Variants in IFT80 observed in about 807,000 individuals in gnomAD.
The protein encoded by IFT80 is intraflagellar transport protein 80 homolog.
Under a neutral mutation model 107.9 loss-of-function variants are expected in IFT80, and 79 were observed. The ratio of observed to expected loss-of-function variants is 0.73; its 90% CI spans 0.61 to 0.88. The LOEUF is 0.88. IFT80 is among the 40% of genes least tolerant of loss of function. The pLI is 0.00. For missense variants in IFT80, 797 were observed against 914.2 expected (o/e 0.87, Z 1.65); for synonymous variants, 299 against 300.9 (o/e 0.99, Z 0.07).
At chr3:160,282,281 A>G (rs775413141) in intron 14 of IFT80, among the ~76,000 whole-genome samples, 197 bp downstream of exon 14, 1 of 152,212 alleles carries the variant, frequency 6.6e-6, no homozygotes, top group Non-Finnish European at 1.5e-5. Flanking sequence ...CCCTGTCTCA[A>G]TAAAACACAA....
At chr3:160,299,337 G>C in intron 12 of IFT80, 3 of 585,212 alleles carry the variant, frequency 5.1e-6, no homozygotes, top group South Asian at 3.7e-5. Flanking sequence ...TATAAGAGGT[G>C]CTATTATCTG....
At chr3:160,319,395 C>G (rs943773798) in intron 9 of IFT80, among the ~76,000 whole-genome samples, 1 of 151,862 alleles carries the variant, frequency 6.6e-6, no homozygotes, top group African/African-American at 2.4e-5. Context: ...AACAATTAAC[C>G]CTGTCAGTAA....
intron 5 of IFT80, among the ~76,000 whole-genome samples, chr3:160,366,773 A>C (rs1301355639): frequency 6.6e-6 from 1 of 152,086 alleles, no homozygotes; most frequent in Non-Finnish European, 1.5e-5. Context: ...CATCATGGAA[A>C]ATGGGGTATC....
At chr3:160,299,902 T>C (rs897369814) in intron 12 of IFT80, among the ~76,000 whole-genome samples, 43 of 152,142 alleles carry the variant, frequency 2.8e-4, no homozygotes, top group African/African-American at 8.7e-4. Flanking sequence ...TACGATAACA[T>C]GCTTGCCTTC....
intron 12 of IFT80, among the ~76,000 whole-genome samples, chr3:160,298,713 G>A (rs761363034): frequency 2.0e-5 from 3 of 152,150 alleles, no homozygotes; most frequent in Non-Finnish European, 2.9e-5. Flanking sequence ...GGACATCATG[G>A]AGGGTACTTA....
intron 1 of IFT80, among the ~76,000 whole-genome samples, chr3:160,384,941 A>G (rs2108409682): frequency 6.6e-6 from 1 of 152,344 alleles, no homozygotes; most frequent in Middle Eastern, 3.4e-3. Context: ...GAGGCCAAAT[A>G]AAAAGATTCC....
chr3:160,388,671 G>A (rs1263828621), intron 1 of IFT80, among the ~76,000 whole-genome samples: 2 of 150,800 alleles, frequency 1.3e-5, no homozygotes, highest in Non-Finnish European at 3.0e-5. Context: ...AAAACGTTAG[G>A]TAGCTAAAAA....
intron 8 of IFT80, among the ~76,000 whole-genome samples, chr3:160,341,064 G>C (rs1369420952): frequency 7.9e-5 from 12 of 151,296 alleles, no homozygotes; most frequent in Admixed American, 7.9e-4. Context: ...ACCCATGCTG[G>C]AGTGCAGTGG....
intron 8 of IFT80, among the ~76,000 whole-genome samples, chr3:160,326,125 C>T (rs1470732062): frequency 6.6e-6 from 1 of 151,860 alleles, no homozygotes; most frequent in African/African-American, 2.4e-5. Context: ...AACCTGCACA[C>T]GTACCCCTGA....
In IFT80 at chr3:160,257,285, C is replaced by A. The variant is rs932334346; in HGVS notation, c.*1240G>T. ...GGGTTAAGAGAGGTAATCTCTCTAT[C>A]CCTTTGTGTGTGTGTGTATATATAT... On this transcript the variant is annotated 3_prime_UTR_variant, in exon 20 of 20. Transcript: ENST00000326448. The A allele has an allele frequency of 6.6e-6, 1 of 152,000 alleles. No homozygotes were observed. The highest frequency in any genetic ancestry group is 1.5e-5 in the Non-Finnish European group (1 of 68,008). The allele number at this position is 152,000 out of a possible 1,614,324, so 9.4% of individuals were successfully genotyped here.
intron 8 of IFT80, among the ~76,000 whole-genome samples, chr3:160,348,009 A>C (rs966025102): frequency 5.3e-5 from 8 of 152,186 alleles, no homozygotes; most frequent in African/African-American, 1.9e-4. Context: ...TATTTCCACT[A>C]ATACCATATA....
chr3:160,333,775 T>C (rs934511225), intron 8 of IFT80, among the ~76,000 whole-genome samples: 2 of 152,162 alleles, frequency 1.3e-5, no homozygotes, highest in African/African-American at 4.8e-5. Context: ...ACAGTTAACT[T>C]CTTTTTAAAA....
intron 9 of IFT80, among the ~76,000 whole-genome samples, chr3:160,315,101 G>C (rs1050552266): frequency 6.7e-6 from 1 of 149,164 alleles, no homozygotes; most frequent in Non-Finnish European, 1.5e-5. Flanking sequence ...AAAAGAGAGA[G>C]AGAAAGAAAG....
At chr3:160,394,323 A>C (rs1306809643) in intron 1 of IFT80, 2 of 152,220 alleles carry the variant, frequency 1.3e-5, no homozygotes, top group Admixed American at 6.5e-5. Flanking sequence ...AAAGAAAAAA[A>C]AAATCACAAA....
At chr3:160,314,537 C>A (rs181819407) in intron 9 of IFT80, among the ~76,000 whole-genome samples, 1 of 152,260 alleles carries the variant, frequency 6.6e-6, no homozygotes, top group East Asian at 1.9e-4. Flanking sequence ...ACCAGCAGGT[C>A]AAGGTGTAGA....
rs1712459646 is a variant in IFT80 at position 160,257,533 on chromosome 3, T to G, written c.*992A>C. On this transcript the variant is annotated 3_prime_UTR_variant, in exon 20 of 20. Transcript: ENST00000326448. ...TTCAGGGCCTATTGACTGATCATTCTCAAGTCAAGAGAGGAATGAGGAGAA... is the reference window on the plus strand; with the variant it reads ...TTCAGGGCCTATTGACTGATCATTCGCAAGTCAAGAGAGGAATGAGGAGAA... 1 of 152,218 alleles carries G rather than the reference T, an allele frequency of 6.6e-6. No homozygotes were observed. The highest frequency in any genetic ancestry group is 6.5e-5 in the Admixed American group (1 of 15,278). The allele number at this position is 152,218 out of a possible 1,614,324, so 9.4% of individuals were successfully genotyped here. A position where few individuals can be genotyped will look rare whatever the true frequency, so the allele number is the denominator to read the frequency against.
At chr3:160,274,394 T>A (rs1714070669) in intron 18 of IFT80, 1 of 152,126 alleles carries the variant, frequency 6.6e-6, no homozygotes, top group South Asian at 2.1e-4. Flanking sequence ...CAGAGGCAAA[T>A]TTCCTCACCT....
chr3:160,275,943 G>A (rs1309449534), intron 18 of IFT80, among the ~76,000 whole-genome samples: 1 of 149,518 alleles, frequency 6.7e-6, no homozygotes, highest in African/African-American at 2.5e-5. Flanking sequence ...CGGTCTGGTC[G>A]CCCAGGCTGG....
At chr3:160,318,814 C>T (rs1430119951) in intron 9 of IFT80, among the ~76,000 whole-genome samples, 1 of 152,052 alleles carries the variant, frequency 6.6e-6, no homozygotes, top group Non-Finnish European at 1.5e-5. Flanking sequence ...GTCAGTCTGA[C>T]CTTCCTCTAC....
Sources: allele counts gnomAD v4.1 joint callset (sites outside exome capture counted in the v4.1 genomes callset), GRCh38; gene constraint gnomAD v4.1.1; transcripts MANE v1.5; gene names NCBI Gene and HGNC (gene_info 2026-07-23, HGNC 2026-07-21).